The following PKIB variants were observed in gnomAD, a reference collection of about 807,000 sequenced individuals.
PKIB encodes cAMP-dependent protein kinase inhibitor beta, also known as PKI-beta.
In PKIB, 2 loss-of-function variants were observed where a neutral mutation model predicts 4.5. The observed-to-expected ratio is 0.44, with a 90% CI of 0.18 to 1.39. The LOEUF is 1.39. Among genes scored for constraint, PKIB ranks in the 40% most tolerant of loss-of-function variants. The probability of loss-of-function intolerance (pLI) is 0.27; values close to 1 mark genes in which losing one functional copy is unlikely to be tolerated. For synonymous variants in PKIB, 38 were observed against 36.0 expected, an observed-to-expected ratio of 1.06 and a Z score of -0.20; for missense variants, 94 against 92.6, an observed-to-expected ratio of 1.02 and a Z score of -0.06.
chr6:122,529,040 T>G (rs535172524), intron 2 of PKIB, among the ~76,000 whole-genome samples: 1 of 152,292 alleles, frequency 6.6e-6, no homozygotes, highest in African/African-American at 2.4e-5. Context: ...TAACAGACAG[T>G]TGATTCTATT....
At chr6:122,538,321 G>A (rs1215776412) in intron 2 of PKIB, among the ~76,000 whole-genome samples, 1 of 152,016 alleles carries the variant, frequency 6.6e-6, no homozygotes, top group Non-Finnish European at 1.5e-5. Context: ...GATCTAACAT[G>A]TAAGTCTATA....
chr6:122,505,927 A>T (rs1046545405), intron 2 of PKIB, among the ~76,000 whole-genome samples: 44 of 152,002 alleles, frequency 2.9e-4, no homozygotes, highest in Non-Finnish European at 4.0e-4. Context: ...TTTTTGAGGA[A>T]TTTTTTTGTC....
At chr6:122,557,058 A>G (rs1772865412) in intron 2 of PKIB, among the ~76,000 whole-genome samples, 1 of 152,194 alleles carries the variant, frequency 6.6e-6, no homozygotes, top group Non-Finnish European at 1.5e-5. Flanking sequence ...TACTAAAAAT[A>G]CAAAAGAAAT....
intron 4 of PKIB, among the ~76,000 whole-genome samples, chr6:122,722,275 A>G (rs892021257): frequency 6.6e-6 from 1 of 152,188 alleles, no homozygotes; most frequent in Admixed American, 6.5e-5. Flanking sequence ...ATGTATTTCT[A>G]AACACTTTCA....
At chr6:122,542,661 G>C (rs1165526472) in intron 2 of PKIB, among the ~76,000 whole-genome samples, 6 of 152,086 alleles carry the variant, frequency 3.9e-5, no homozygotes, top group Non-Finnish European at 8.8e-5. Context: ...CTGCTCGGGG[G>C]TCAAGGACCC....
intron 2 of PKIB, among the ~76,000 whole-genome samples, chr6:122,515,257 T>A (rs1157251440): frequency 6.6e-6 from 1 of 152,180 alleles, no homozygotes; most frequent in Non-Finnish European, 1.5e-5. Context: ...AATACAAAAA[T>A]GTGTTTTAAA....
At chr6:122,675,865 A>G (rs899887716) in intron 3 of PKIB, among the ~76,000 whole-genome samples, 1 of 152,158 alleles carries the variant, frequency 6.6e-6, no homozygotes, top group African/African-American at 2.4e-5. Context: ...CACTAAAGCA[A>G]ATAATCAGCA....
chr6:122,553,494 T>TTTTTTTTTTTTTG (rs1772749409), intron 2 of PKIB, among the ~76,000 whole-genome samples: 1 of 140,172 alleles, frequency 7.1e-6, no homozygotes, highest in Non-Finnish European at 1.5e-5. Context: ...TTTTTTTTTT[T>TTTTTTTTTTTTTG]TTTTTTTTTC....
chr6:122,487,325 C>T (rs1775796878), intron 2 of PKIB, among the ~76,000 whole-genome samples: 1 of 152,102 alleles, frequency 6.6e-6, no homozygotes, highest in Non-Finnish European at 1.5e-5. Context: ...TAAATTGTAT[C>T]ATACCTCTTA....
At chr6:122,607,490 C>T (rs1774583194), upstream of PKIB, among the ~76,000 whole-genome samples, 1 of 152,092 alleles carries the variant, frequency 6.6e-6, no homozygotes, top group African/African-American at 2.4e-5. Flanking sequence ...TGCACTCCAG[C>T]CTGGGTGAGA....
intron 2 of PKIB, among the ~76,000 whole-genome samples, chr6:122,528,753 A>C (rs772320529): frequency 4.6e-5 from 7 of 152,118 alleles, no homozygotes; most frequent in Non-Finnish European, 8.8e-5. Flanking sequence ...CTAGCTGGGC[A>C]TGGTGGCACA....
intron 3 of PKIB, among the ~76,000 whole-genome samples, chr6:122,690,932 A>ATATATATTTT (rs1278838118): frequency 8.6e-5 from 12 of 138,774 alleles, no homozygotes; most frequent in African/African-American, 3.2e-4. Flanking sequence ...ATATATATAT[A>ATATATATTTT]TTTTTTTTTT....
intron 3 of PKIB, among the ~76,000 whole-genome samples, chr6:122,589,372 A>G (rs1773950717): frequency 6.6e-6 from 1 of 152,144 alleles, no homozygotes; most frequent in African/African-American, 2.4e-5. Context: ...AAAAAGCAAT[A>G]TTATATAATA....
At chr6:122,540,612 A>C (rs1328479734) in intron 2 of PKIB, among the ~76,000 whole-genome samples, 1 of 151,778 alleles carries the variant, frequency 6.6e-6, no homozygotes. Flanking sequence ...TATGTGGTCA[A>C]TTTTGGAATA....
intron 3 of PKIB, among the ~76,000 whole-genome samples, chr6:122,596,520 C>G (rs1044723258): frequency 6.6e-6 from 1 of 150,686 alleles, no homozygotes; most frequent in Admixed American, 6.6e-5. Flanking sequence ...TCAGAAAGCA[C>G]CCAGGTCAGA....
chr6:122,556,407 C>T (rs1044610181), intron 2 of PKIB, among the ~76,000 whole-genome samples: 10 of 152,260 alleles, frequency 6.6e-5, no homozygotes, highest in African/African-American at 1.2e-4. Flanking sequence ...CACAAAAAGG[C>T]GGCACAACAA....
At chr6:122,686,488 T>TTATA (rs748857307) in intron 3 of PKIB, among the ~76,000 whole-genome samples, 2 of 150,316 alleles carry the variant, frequency 1.3e-5, no homozygotes, top group African/African-American at 2.4e-5. Context: ...TTTTGCCCAT[T>TTATA]TATATATATA....
chr6:122,642,605 T>A (rs1359548518), intron 2 of PKIB, among the ~76,000 whole-genome samples: 1 of 152,186 alleles, frequency 6.6e-6, no homozygotes, highest in Non-Finnish European at 1.5e-5. Flanking sequence ...GGTAGGAGAA[T>A]GTGGTCTGGA....
At chr6:122,495,783 A>G (rs1458147555) in intron 2 of PKIB, among the ~76,000 whole-genome samples, 1 of 152,162 alleles carries the variant, frequency 6.6e-6, no homozygotes, top group Non-Finnish European at 1.5e-5. Flanking sequence ...CCAGGAAGCT[A>G]TATGTATCCG....
Sources: allele counts gnomAD v4.1 joint callset (sites outside exome capture counted in the v4.1 genomes callset), GRCh38; gene constraint gnomAD v4.1.1; transcripts MANE v1.5; gene names NCBI Gene and HGNC (gene_info 2026-07-23, HGNC 2026-07-21).